Variants in PDE7A observed in about 807,000 individuals in gnomAD.
PDE7A encodes the protein high affinity 3',5'-cyclic-AMP phosphodiesterase 7A.
In PDE7A, 39 loss-of-function variants were observed where a neutral mutation model predicts 64.3. That is an observed-to-expected ratio of 0.61 (90% CI 0.47 to 0.79). PDE7A has a LOEUF of 0.79. PDE7A is among the 30% of genes least tolerant of loss of function. The pLI is 0.00. For missense variants in PDE7A, 470 were observed against 582.8 expected, an observed-to-expected ratio of 0.81 and a Z score of 1.99; for synonymous variants, 203 against 206.8, an observed-to-expected ratio of 0.98 and a Z score of 0.16.
At chr8:65,727,775 T>C (rs1162316006) in intron 7 of PDE7A, 2 of 152,856 alleles carry the variant, frequency 1.3e-5, no homozygotes, top group African/African-American at 4.8e-5. Flanking sequence ...TTAGTCCTGA[T>C]GTTTAAGGAG....
chr8:65,797,522 A>G (rs1338182625), intron 1 of PDE7A, among the ~76,000 whole-genome samples: 1 of 152,252 alleles, frequency 6.6e-6, no homozygotes. Context: ...TCAGACTTCC[A>G]GCCTCCAGAA....
intron 3 of PDE7A, among the ~76,000 whole-genome samples, chr8:65,763,750 G>T (rs1700185264): frequency 6.6e-6 from 1 of 152,114 alleles, no homozygotes; most frequent in African/African-American, 2.4e-5. Context: ...AAGATGAAAA[G>T]CAAAGTACAC....
intron 1 of PDE7A, among the ~76,000 whole-genome samples, chr8:65,823,895 T>C (rs1003643557): frequency 3.3e-5 from 5 of 151,972 alleles, no homozygotes; most frequent in Admixed American, 2.6e-4. Context: ...ACATTAAAAA[T>C]AAGGCAAAAA....
intron 1 of PDE7A, among the ~76,000 whole-genome samples, chr8:65,832,046 G>A (rs887462094): frequency 3.9e-5 from 6 of 152,064 alleles, no homozygotes; most frequent in African/African-American, 1.2e-4. Context: ...TATGTATTCT[G>A]TTATTTGTTT....
At chr8:65,792,409 G>A (rs2128926288) in intron 1 of PDE7A, among the ~76,000 whole-genome samples, 1 of 152,330 alleles carries the variant, frequency 6.6e-6, no homozygotes, top group African/African-American at 2.4e-5. Flanking sequence ...TCTTAGAGAA[G>A]TAATCCAAGA....
At chr8:65,830,134 G>A (rs997007455) in intron 1 of PDE7A, among the ~76,000 whole-genome samples, 12 of 151,962 alleles carry the variant, frequency 7.9e-5, no homozygotes, top group African/African-American at 2.7e-4. Flanking sequence ...ACTTGCTGTC[G>A]AGTACTGTCT....
chr8:65,814,864 C>A (rs543593942), intron 1 of PDE7A, among the ~76,000 whole-genome samples: 1 of 152,090 alleles, frequency 6.6e-6, no homozygotes, highest in Admixed American at 6.5e-5. Flanking sequence ...GATGGATCAC[C>A]TGAGGTCAGG....
At chr8:65,834,380 A>C (rs140453063) in intron 1 of PDE7A, among the ~76,000 whole-genome samples, 242 of 152,342 alleles carry the variant, frequency 1.6e-3, no homozygotes, top group Non-Finnish European at 2.7e-3. Context: ...TTATGTTATC[A>C]GTAAGGCTTC....
chr8:65,758,355 G>A (rs1007052201), intron 3 of PDE7A, among the ~76,000 whole-genome samples: 1 of 152,140 alleles, frequency 6.6e-6, no homozygotes, highest in Non-Finnish European at 1.5e-5. Context: ...GTAGTCCTAG[G>A]ACTACTGTAT....
chr8:65,817,168 T>C (rs1810427213), intron 1 of PDE7A, among the ~76,000 whole-genome samples: 1 of 152,240 alleles, frequency 6.6e-6, no homozygotes, highest in Non-Finnish European at 1.5e-5. Context: ...TTTAAAACTT[T>C]TAACTTTGCA....
At chr8:65,783,058 A>G (rs1242530391) in intron 1 of PDE7A, among the ~76,000 whole-genome samples, 1 of 152,216 alleles carries the variant, frequency 6.6e-6, no homozygotes, top group Non-Finnish European at 1.5e-5. Context: ...ACTACCATAA[A>G]AATGGATACA....
chr8:65,806,427 T>C (rs1810116645), intron 1 of PDE7A, among the ~76,000 whole-genome samples: 1 of 152,156 alleles, frequency 6.6e-6, no homozygotes, highest in Non-Finnish European at 1.5e-5. Context: ...GTGCTGGAAT[T>C]AGAGTAGTAA....
chr8:65,748,086 A>G (rs749818700), intron 3 of PDE7A, among the ~76,000 whole-genome samples: 4 of 150,502 alleles, frequency 2.7e-5, no homozygotes, highest in Admixed American at 6.7e-5. Context: ...TGGGATTAAT[A>G]ATCACGGTTT....
At chr8:65,734,700 T>G (rs1807049174) in intron 7 of PDE7A, 94 bp downstream of exon 7, 1 of 723,082 alleles carries the variant, frequency 1.4e-6, no homozygotes, top group Non-Finnish European at 2.5e-6. Context: ...TCTGTGATTT[T>G]CAGTCAAAGC....
intron 1 of PDE7A, among the ~76,000 whole-genome samples, chr8:65,820,139 T>C (rs1224432736): frequency 6.6e-6 from 1 of 152,238 alleles, no homozygotes; most frequent in Non-Finnish European, 1.5e-5. Context: ...CTCACGCCTG[T>C]CATCCCAACA....
chr8:65,832,712 T>C (rs1429200107), intron 1 of PDE7A, among the ~76,000 whole-genome samples: 2 of 152,054 alleles, frequency 1.3e-5, no homozygotes, highest in Admixed American at 1.3e-4. Flanking sequence ...GGTCTCAAAT[T>C]CCTGAATTCA....
chr8:65,776,139 A>G (rs1809253060), intron 3 of PDE7A, among the ~76,000 whole-genome samples: 2 of 151,906 alleles, frequency 1.3e-5, no homozygotes, highest in Non-Finnish European at 2.9e-5. Flanking sequence ...CCAAAATTTG[A>G]TTTTTTTTAA....
chr8:65,754,890 G>A (rs192516934), intron 3 of PDE7A, among the ~76,000 whole-genome samples: 2 of 149,214 alleles, frequency 1.3e-5, no homozygotes, highest in South Asian at 4.4e-4. Context: ...GCCTGAACCC[G>A]GGAGGCGGAG....
chr8:65,726,981 G>T lies in PDE7A; in HGVS notation c.829-15C>A. ...ACTGAGGTATTCTACAACAAAGGAC[G>T]TTTCTGAGTTACTTAATGATACGTC... On this transcript the variant is annotated splice_polypyrimidine_tract_variant and intron_variant, in intron 8 of 12. Transcript: ENST00000401827. 2 of 1,407,800 alleles carry T rather than the reference G, an allele frequency of 1.4e-6. No homozygotes were observed. The highest frequency in any genetic ancestry group is 2.0e-6 in the Non-Finnish European group (2 of 994,618). 87.2% of individuals were successfully genotyped at this position (1,407,800 alleles called of 1,614,324 possible).
Sources: allele counts gnomAD v4.1 joint callset (sites outside exome capture counted in the v4.1 genomes callset), GRCh38; gene constraint gnomAD v4.1.1; transcripts MANE v1.5; gene names NCBI Gene and HGNC (gene_info 2026-07-23, HGNC 2026-07-21).